PPP1R7: variants seen among roughly 807,000 people sequenced by gnomAD.
The protein encoded by PPP1R7 is protein phosphatase 1 regulatory subunit 7, also known as protein phosphatase 1 regulatory subunit 22.
Under a neutral mutation model 45.2 loss-of-function variants are expected in PPP1R7, and 18 were observed. That is an observed-to-expected ratio of 0.40 (90% CI 0.28 to 0.59). PPP1R7 has a LOEUF of 0.59. PPP1R7 is among the 20% of genes least tolerant of loss of function. The pLI is 0.46. For missense variants in PPP1R7, 314 were observed against 455.8 expected (o/e 0.69, Z 2.83); for synonymous variants, 181 against 183.4 (o/e 0.99, Z 0.11).
In PPP1R7 at chr2:241,182,877, G is replaced by T; in HGVS notation, c.*54G>T. 6.4e-7 allele frequency: 1 copy of T among 1,572,550 alleles called. No homozygotes were observed. The highest frequency in any genetic ancestry group is 8.7e-7 in the Non-Finnish European group (1 of 1,152,460). On this transcript the variant is annotated 3_prime_UTR_variant, in exon 10 of 10. Transcript: ENST00000234038. ...CTCCTCGGAAGAACTGCCCAGCCAC[G>T]GGTTTTTAACCCACCTGTTGCTCCT...
intron 7 of PPP1R7, among the ~76,000 whole-genome samples, chr2:241,163,891 A>G (rs1283318737): frequency 6.6e-6 from 1 of 151,790 alleles, no homozygotes; most frequent in Non-Finnish European, 1.5e-5. Flanking sequence ...CTGGGTTTAC[A>G]AGCATGAGTC....
At chr2:241,165,040 T>C (rs1375921298) in intron 7 of PPP1R7, among the ~76,000 whole-genome samples, 2 of 151,586 alleles carry the variant, frequency 1.3e-5, no homozygotes, top group Non-Finnish European at 2.9e-5. Context: ...AGAGCGAGAG[T>C]CCATCTCAAA....
Position 241,159,206 on chromosome 2 carries a change from C to T in PPP1R7, c.304-7C>T. ...CTGTGTCAATTGTCCCTTTTCCCATCCCCCAGACTCTCTGCCTCCGCCAAA... is the reference window on the plus strand; with the variant it reads ...CTGTGTCAATTGTCCCTTTTCCCATTCCCCAGACTCTCTGCCTCCGCCAAA... On this transcript the variant is annotated splice_polypyrimidine_tract_variant and splice_region_variant and intron_variant, in intron 4 of 9. Coordinates refer to ENST00000234038, the MANE Select transcript of PPP1R7 (RefSeq NM_002712.3). The T allele has an allele frequency of 4.3e-6, 7 of 1,612,588 alleles. No individual in the cohort carries two copies. Among genetic ancestry groups the T allele is most frequent in the Non-Finnish European group, 5.9e-6 (7 of 1,179,006 alleles).
intron 2 of PPP1R7, among the ~76,000 whole-genome samples, chr2:241,157,263 C>T (rs1165306520): frequency 6.6e-6 from 1 of 152,194 alleles, no homozygotes; most frequent in African/African-American, 2.4e-5. Context: ...TTGTTTTGCT[C>T]TTTGCAGAGG....
Position 241,153,619 on chromosome 2 carries a change from T to A in PPP1R7, c.181+15T>A. The A allele has an allele frequency of 6.2e-7, 1 of 1,611,938 alleles. No homozygotes were observed. The highest frequency in any genetic ancestry group is 8.5e-7 in the Non-Finnish European group (1 of 1,178,778). ...GGACCCAGAAGGTACCAGGCCCAGC[T>A]CCCTTGGGGACATCTGCTGGTTGGG... On this transcript the variant is annotated intron_variant, in intron 2 of 9. Coordinates refer to ENST00000234038, the MANE Select transcript of PPP1R7 (RefSeq NM_002712.3).
chr2:241,158,391 C>A (rs370494870), intron 3 of PPP1R7, 93 bp from the exon 4 acceptor site: 14 of 1,185,414 alleles, frequency 1.2e-5, no homozygotes, highest in Middle Eastern at 1.9e-4. Context: ...CTGCCTCCCC[C>A]ACTGCTGCCC....
intron 6 of PPP1R7, among the ~76,000 whole-genome samples, chr2:241,162,660 A>G (rs914207569): frequency 6.7e-6 from 1 of 149,964 alleles, no homozygotes; most frequent in Non-Finnish European, 1.5e-5. Flanking sequence ...TCTCTTCTGT[A>G]GAGACTGAGG....
chr2:241,151,158 G>A (rs908178917), intron 1 of PPP1R7, among the ~76,000 whole-genome samples: 1 of 152,206 alleles, frequency 6.6e-6, no homozygotes, highest in Non-Finnish European at 1.5e-5. Context: ...ACGTACACAT[G>A]TGTTTATAAT....
At chr2:241,154,375 CT>C (rs1194863059) in intron 2 of PPP1R7, among the ~76,000 whole-genome samples, 2 of 151,764 alleles carry the variant, frequency 1.3e-5, no homozygotes, top group Admixed American at 1.3e-4. Context: ...TTTTATAGGC[CT>C]GAGGATTGAC....
At chr2:241,166,955 TTCC>T (rs1478756854) in intron 8 of PPP1R7, 5 of 1,110,134 alleles carry the variant, frequency 4.5e-6, no homozygotes, top group Non-Finnish European at 2.7e-6. Context: ...TATGAGCAGC[TTCC>T]TCCTCCCCCA....
intron 9 of PPP1R7, 141 bp from the exon 10 acceptor site, chr2:241,182,506 A>G: frequency 2.0e-6 from 2 of 990,748 alleles, no homozygotes; most frequent in South Asian, 3.2e-5. Flanking sequence ...AGGCCATGGA[A>G]GGTCCCATGA....
At chr2:241,150,590 G>C (rs1309382821) in intron 1 of PPP1R7, 43 bp downstream of exon 1, 3 of 1,562,030 alleles carry the variant, frequency 1.9e-6, no homozygotes, top group Admixed American at 1.9e-5. Flanking sequence ...CCCAGCGGGC[G>C]GGGGGAGCTG....
At chr2:241,170,706 T>G (rs962441945) in intron 9 of PPP1R7, among the ~76,000 whole-genome samples, 6 of 152,204 alleles carry the variant, frequency 3.9e-5, no homozygotes, top group African/African-American at 7.2e-5. Flanking sequence ...TGCTTTCTCC[T>G]TTCCCCACTT....
At chr2:241,153,857 A>G (rs2125479306) in intron 2 of PPP1R7, among the ~76,000 whole-genome samples, 1 of 152,278 alleles carries the variant, frequency 6.6e-6, no homozygotes, top group South Asian at 2.1e-4. Flanking sequence ...TAGCACAAAT[A>G]TGGGTACTAG....
chr2:241,150,605 C>T (rs1326593639), intron 1 of PPP1R7, 58 bp downstream of exon 1: 5 of 1,538,132 alleles, frequency 3.3e-6, no homozygotes, highest in Admixed American at 4.0e-5. Context: ...GAGCTGCGGG[C>T]TGGAACTGCT....
At chr2:241,180,330 G>GA (rs1362365061) in intron 9 of PPP1R7, among the ~76,000 whole-genome samples, 1 of 125,858 alleles carries the variant, frequency 7.9e-6, no homozygotes, top group Non-Finnish European at 1.6e-5. Flanking sequence ...GGCCACACTG[G>GA]AAAAAAGAAG....
At chr2:241,176,758 G>T (rs1338171178) in intron 9 of PPP1R7, among the ~76,000 whole-genome samples, 1 of 152,146 alleles carries the variant, frequency 6.6e-6, no homozygotes, top group African/African-American at 2.4e-5. Flanking sequence ...ACTGTGCCTG[G>T]CCATATCTCA....
chr2:241,154,179 CAAAAAAAAAAAAAAA>C (rs1167747738), intron 2 of PPP1R7, among the ~76,000 whole-genome samples: 3 of 50,492 alleles, frequency 5.9e-5, no homozygotes, highest in African/African-American at 2.1e-4. Context: ...TACTCCTTCT[CAAAAAAAAAAAAAAA>C]AAAAAAAAAA....
At chr2:241,176,416 T>TA (rs1159264858) in intron 9 of PPP1R7, among the ~76,000 whole-genome samples, 2 of 152,114 alleles carry the variant, frequency 1.3e-5, no homozygotes, top group African/African-American at 4.8e-5. Context: ...CAGTTGCTTG[T>TA]AAATACATAA....
Sources: allele counts gnomAD v4.1 joint callset (sites outside exome capture counted in the v4.1 genomes callset), GRCh38; gene constraint gnomAD v4.1.1; transcripts MANE v1.5; gene names NCBI Gene and HGNC (gene_info 2026-07-23, HGNC 2026-07-21).